Variants in ITGAX observed in about 807,000 individuals in gnomAD.
The protein encoded by ITGAX is integrin alpha-X.
Under a neutral mutation model 140.2 loss-of-function variants are expected in ITGAX, and 99 were observed. The ratio of observed to expected loss-of-function variants is 0.71; its 90% confidence interval spans 0.60 to 0.83. The LOEUF is 0.83. Among genes scored for constraint, ITGAX ranks in the 40% least tolerant of loss-of-function variants. The probability of loss-of-function intolerance (pLI) is 0.00; values close to 1 mark genes in which losing one functional copy is unlikely to be tolerated. For missense variants in ITGAX, 1,444 were observed against 1,482.0 expected, an observed-to-expected ratio of 0.97 and a Z score of 0.42; for synonymous variants, 631 against 600.4, an observed-to-expected ratio of 1.05 and a Z score of -0.75.
In ITGAX at chr16:31,363,093, C is replaced by A. The variant is rs1468319371; in HGVS notation, c.1500+18C>A. ...CCAGGGGGGTGAGTGGCTGATGGGC[C>A]TGGGGTGGGTGGGGTCTGGTGTGGG... is the stretch of plus-strand genomic sequence containing the variant. On this transcript the variant is annotated intron_variant, in intron 13 of 29. Coordinates refer to ENST00000268296, the MANE Select transcript of ITGAX (RefSeq NM_000887.5). 3 of 559,756 alleles carry A rather than the reference C, an allele frequency of 5.4e-6. No homozygotes were observed. Among genetic ancestry groups the A allele is most frequent in the Middle Eastern group, 3.9e-4 (1 of 2,564 alleles). The allele number at this position is 559,756 out of a possible 1,614,324, so 34.7% of individuals were successfully genotyped here.
chr16:31,373,360 A>G lies in ITGAX; in HGVS notation c.2478A>G (p.Gly826=), dbSNP rs1201642742. 31 of 1,613,330 alleles carry G rather than the reference A, an allele frequency of 1.9e-5. No homozygotes were observed. Among genetic ancestry groups the G allele is most frequent in the Non-Finnish European group, 2.6e-5 (31 of 1,179,940 alleles). The part of the protein sequence containing the change: ...GTTITFSHPA[G]LSYRYVAEGQ... ...CCATCACCTTCTCCCACCCCGCAGG[A>G]CTGTCCTACCGCTACGTGGCAGAGG... The change falls in exon 20 of 30, where the codon GGA becomes GGG. Residue 826 remains glycine, a synonymous_variant. Coordinates refer to ENST00000268296, the MANE Select transcript of ITGAX (RefSeq NM_000887.5).
intron 20 of ITGAX, 60 bp from the exon 21 acceptor site, chr16:31,376,739 T>C: frequency 6.7e-7 from 1 of 1,498,886 alleles, no homozygotes; most frequent in African/African-American, 1.4e-5. Context: ...CAAAAGTAAT[T>C]GGGTTTTTGC....
rs1460282284 is a variant in ITGAX, at chr16:31,362,634, TG to T, written c.1242del (p.Trp414Ter). 6.2e-7 allele frequency: 1 copy of T among 1,612,552 alleles called. No individual in the cohort carries two copies. Among genetic ancestry groups the T allele is most frequent in the East Asian group, 2.2e-5 (1 of 44,846 alleles). On this transcript the variant is annotated frameshift_variant, in exon 12 of 30. Transcript: ENST00000268296. LOFTEE classifies it high-confidence loss of function. Reference protein sequence around the residue: ...YLGYSTELALWKGVQSLVLGA... With the variant: ...YLGYSTELALXKGVQSLVLGA... ...AGGTTACTCCACCGAGCTGGCCCTCTGGAAAGGGGTGCAGAGCCTGGTCCTG... is the reference window on the plus strand; with the variant it reads ...AGGTTACTCCACCGAGCTGGCCCTCTGAAAGGGGTGCAGAGCCTGGTCCTG...
At chr16:31,356,058 A>C (rs2080756840) in intron 2 of ITGAX, 60 bp downstream of exon 2, 1 of 1,224,318 alleles carries the variant, frequency 8.2e-7, no homozygotes, top group Non-Finnish European at 1.2e-6. Flanking sequence ...TCAGGGCCCC[A>C]TGCCCCCGGC....
intron 6 of ITGAX, 27 bp downstream of exon 6, chr16:31,359,857 T>C: frequency 6.2e-7 from 1 of 1,613,952 alleles, no homozygotes; most frequent in Non-Finnish European, 8.5e-7. Flanking sequence ...GGGAGGCTGC[T>C]GGGGGTGGGT....
At chr16:31,372,167 G>GGT (rs1555477541) in intron 17 of ITGAX, among the ~76,000 whole-genome samples, 2 of 138,836 alleles carry the variant, frequency 1.4e-5, no homozygotes, top group Non-Finnish European at 3.0e-5. Context: ...GGGAGGTCTG[G>GGT]GGGGGGGGAG....
intron 14 of ITGAX, among the ~76,000 whole-genome samples, chr16:31,365,232 C>T (rs2080880950): frequency 6.6e-6 from 1 of 152,084 alleles, no homozygotes; most frequent in African/African-American, 2.4e-5. Context: ...AGGGTGACTG[C>T]TAATGGGTGT....
At position 31,356,883 on chromosome 16, in the gene ITGAX, C is replaced by A; in HGVS notation, c.248-148C>A. 4.9e-6 allele frequency: 4 copies of A among 818,080 alleles called. No individual in the cohort carries two copies. The South Asian group carries it at 6.7e-5, about 14-fold the overall frequency. The allele number at this position is 818,080 out of a possible 1,614,324, so 50.7% of individuals were successfully genotyped here. On this transcript the variant is annotated intron_variant, in intron 3 of 29. Transcript: ENST00000268296. ...CCTGGCCCCTTAAGGCCTCCCCGCC[C>A]ATCGCACTCCCGCAGCTCTGTCAAG...
In ITGAX at chr16:31,379,653, G is replaced by C. The variant is rs2081049828; in HGVS notation, c.2868+7G>C. The C allele has an allele frequency of 6.4e-7, 1 of 1,565,660 alleles. No individual in the cohort carries two copies. Among genetic ancestry groups the C allele is most frequent in the African/African-American group, 1.4e-5 (1 of 73,822 alleles). On this transcript the variant is annotated splice_region_variant and intron_variant, in intron 24 of 29. Coordinates refer to ENST00000268296, the MANE Select transcript of ITGAX (RefSeq NM_000887.5). ...GGCCATGCACAGATACCAGGCAGGT[G>C]GTGGAGACGCAGGAGACTGGGCTGG...
Position 31,371,447 on chromosome 16 carries a change from C to A in ITGAX, c.1955C>A (p.Ser652Tyr), listed in dbSNP as rs757104553. The A allele has an allele frequency of 1.2e-6, 2 of 1,614,180 alleles. No homozygotes were observed. The highest frequency in any genetic ancestry group is 3.3e-5 in the Admixed American group (2 of 60,020). ...QVVSEQTLVQ[S>Y]NICLYIDKRS... ...GTCTCTGAGCAGACCCTGGTACAGT[C>A]CAACATCTGCCTTTACATTGACAAA... The change falls in exon 16 of 30, where the codon TCC (serine) becomes TAC (tyrosine). Residue 652 changes from serine to tyrosine, a missense_variant. Transcript: ENST00000268296.
At chr16:31,376,627 AAAAC>A (rs1009409865) in intron 20 of ITGAX, among the ~76,000 whole-genome samples, 168 bp from the exon 21 acceptor site, 4 of 152,212 alleles carry the variant, frequency 2.6e-5, no homozygotes, top group Admixed American at 6.5e-5. Flanking sequence ...CTGGTCTCAA[AAAAC>A]AAACAAACAA....
At position 31,382,107 on chromosome 16, in the gene ITGAX, G is replaced by A; in HGVS notation, c.*200G>A. The A allele has an allele frequency of 7.0e-7, 1 of 1,427,934 alleles. No homozygotes were observed. Among genetic ancestry groups the A allele is most frequent in the Non-Finnish European group, 9.1e-7 (1 of 1,096,998 alleles). The allele number at this position is 1,427,934 out of a possible 1,614,324, so 88.5% of individuals were successfully genotyped here. On this transcript the variant is annotated 3_prime_UTR_variant, in exon 30 of 30. Transcript: ENST00000268296. ...GTTCCAACTGGAAACCCTTAGGACA[G>A]GGTCCCTGCTGTGTTCCCCAAAGGA...
chr16:31,382,798 C>T lies in ITGAX; in HGVS notation c.*891C>T. On this transcript the variant is annotated 3_prime_UTR_variant, in exon 30 of 30. Coordinates refer to ENST00000268296, the MANE Select transcript of ITGAX (RefSeq NM_000887.5). ...CCCGGTGCGGCTGCAGCTCACCCAG[C>T]CCCAGGGGCAGAAGAGACCCAACCA... is the stretch of plus-strand genomic sequence containing the variant. 1 of 441,050 alleles carries T rather than the reference C, an allele frequency of 2.3e-6. No homozygotes were observed. The highest frequency in any genetic ancestry group is 4.1e-6 in the Non-Finnish European group (1 of 244,262). 27.3% of individuals were successfully genotyped at this position (441,050 alleles called of 1,614,324 possible).
chr16:31,376,903 T>G lies in ITGAX; in HGVS notation c.2613T>G (p.Arg871=), dbSNP rs1157801514. Residue 871 remains arginine, a synonymous_variant, in exon 21 of 30, where the codon CGT becomes CGG. Transcript: ENST00000268296. ...TSCRINHLIF[R]GGAQITFLAT... The stretch of plus-strand genomic sequence containing the variant: ...GCAGAATCAACCACCTCATCTTCCG[T>G]GGCGGCGCCCAGGTCAGCCTGGCTT... 1.2e-6 allele frequency: 2 copies of G among 1,614,082 alleles called. No homozygotes were observed. Among genetic ancestry groups the G allele is most frequent in the Non-Finnish European group, 1.7e-6 (2 of 1,180,038 alleles).
Position 31,381,010 on chromosome 16 carries a change from G to A in ITGAX, c.3387+3G>A. The stretch of plus-strand genomic sequence containing the variant: ...TCATCACAGCGGTACTGTACAAAGT[G>A]AGTGTTTTATGCCACTCTTGACACC... On this transcript the variant is annotated splice_donor_region_variant and intron_variant, in intron 29 of 29. Coordinates refer to ENST00000268296, the MANE Select transcript of ITGAX (RefSeq NM_000887.5). 6.2e-7 allele frequency: 1 copy of A among 1,611,112 alleles called. No homozygotes were observed. Among genetic ancestry groups the A allele is most frequent in the Non-Finnish European group, 8.5e-7 (1 of 1,177,296 alleles).
intron 9 of ITGAX, 36 bp downstream of exon 9, chr16:31,361,249 T>C: frequency 5.0e-6 from 8 of 1,584,600 alleles, no homozygotes; most frequent in Non-Finnish European, 6.9e-6. Context: ...TGGGGAATCC[T>C]CAGCCGTTAA....
Position 31,379,752 on chromosome 16 carries a change from T to G in ITGAX, c.2869-5T>G, listed in dbSNP as rs563239317. On this transcript the variant is annotated splice_polypyrimidine_tract_variant and splice_region_variant and intron_variant, in intron 24 of 29. Transcript: ENST00000268296. Reference sequence around the variant, plus strand: ...TGGGCTCTGCCCTCAGTGCCCTCTGTGCAGGTCAATAACCTGGGACAGAGG... The same window carrying G: ...TGGGCTCTGCCCTCAGTGCCCTCTGGGCAGGTCAATAACCTGGGACAGAGG... The G allele has an allele frequency of 1.9e-6, 3 of 1,612,898 alleles. No individual in the cohort carries two copies. The South Asian group carries it at 3.3e-5, about 18-fold the overall frequency.
At chr16:31,377,710 C>T (rs2081033336) in intron 23 of ITGAX, among the ~76,000 whole-genome samples, 2 of 152,230 alleles carry the variant, frequency 1.3e-5, no homozygotes, top group Non-Finnish European at 2.9e-5. Context: ...ACAGGCAGGG[C>T]TCACCTACTC....
Position 31,363,399 on chromosome 16 carries a change from A to T in ITGAX, c.1710+25A>T, listed in dbSNP as rs753505825. 4 of 1,611,382 alleles carry T rather than the reference A, an allele frequency of 2.5e-6. No homozygotes were observed. The South Asian group carries it at 4.4e-5, about 18-fold the overall frequency. ...GGTGAGGCCGTGTCCCATTTCTGTC[A>T]CTAGAGCAGCCTGCTTCTTGCCTCT... On this transcript the variant is annotated intron_variant, in intron 14 of 29. Transcript: ENST00000268296.
Sources: gnomAD v4.1 joint callset for allele counts (sites outside exome capture counted in the v4.1 genomes callset) on GRCh38, gnomAD v4.1.1 for gene constraint, MANE v1.5 for transcripts, NCBI Gene and HGNC (gene_info 2026-07-23, HGNC 2026-07-21) for gene names.